Variants in OCA2 observed in about 807,000 individuals in gnomAD.
OCA2 encodes OCA2 melanosomal transmembrane protein, also known as P protein.
Under a neutral mutation model 100.2 loss-of-function variants are expected in OCA2, and 77 were observed. The observed-to-expected ratio is 0.77, with a 90% CI of 0.64 to 0.93. The LOEUF is 0.93. Ranked by LOEUF, OCA2 falls within the 40% of genes least tolerant of loss-of-function variation. The probability of loss-of-function intolerance (pLI) is 0.00; values close to 1 mark genes in which losing one functional copy is unlikely to be tolerated. For synonymous variants in OCA2, 432 were observed against 439.2 expected (o/e 0.98, Z 0.21); for missense variants, 1,062 against 1,089.1 (o/e 0.98, Z 0.35).
chr15:28,017,173 T>C (rs1186861960), intron 7 of OCA2, among the ~76,000 whole-genome samples: 1 of 152,102 alleles, frequency 6.6e-6, no homozygotes, highest in African/African-American at 2.4e-5. Context: ...AGCACACGCA[T>C]GAGAGAACAG....
intron 5 of OCA2, among the ~76,000 whole-genome samples, chr15:28,023,308 T>A (rs1197700785): frequency 6.6e-6 from 1 of 152,222 alleles, no homozygotes; most frequent in Admixed American, 6.5e-5. Context: ...TTCCTTTCTC[T>A]GGGTCACAGA....
At chr15:28,003,360 A>G (rs1311840176) in intron 9 of OCA2, among the ~76,000 whole-genome samples, 2 of 152,250 alleles carry the variant, frequency 1.3e-5, no homozygotes, top group Non-Finnish European at 2.9e-5. Context: ...ATCCCTAAAT[A>G]TACAAAATTG....
chr15:27,974,884 T>C (rs2040916603), intron 14 of OCA2, among the ~76,000 whole-genome samples: 1 of 152,208 alleles, frequency 6.6e-6, no homozygotes. Flanking sequence ...TGGCAGAAAA[T>C]TGTATGACAA....
chr15:27,772,182 C>G (rs2031919629), intron 23 of OCA2, among the ~76,000 whole-genome samples: 1 of 152,158 alleles, frequency 6.6e-6, no homozygotes, highest in Non-Finnish European at 1.5e-5. Flanking sequence ...TGGGCCTGAC[C>G]TTCCTTTAAA....
At chr15:27,965,385 G>GTAGA (rs1485785969) in intron 15 of OCA2, among the ~76,000 whole-genome samples, 2 of 152,226 alleles carry the variant, frequency 1.3e-5, no homozygotes, top group African/African-American at 2.4e-5. Context: ...GGTAAGATGA[G>GTAGA]TAGATATTCC....
At chr15:27,824,420 C>T (rs1330106569) in intron 23 of OCA2, among the ~76,000 whole-genome samples, 1 of 151,312 alleles carries the variant, frequency 6.6e-6, no homozygotes, top group African/African-American at 2.4e-5. Flanking sequence ...CAGCCTATGA[C>T]ATGATGCACA....
chr15:27,957,803 T>C lies in OCA2; in HGVS notation c.1637-68A>G. 1 of 1,579,516 alleles carries C rather than the reference T, an allele frequency of 6.3e-7. No homozygotes were observed. Among genetic ancestry groups the C allele is most frequent in the East Asian group, 2.2e-5 (1 of 44,644 alleles). On this transcript the variant is annotated intron_variant, in intron 15 of 23. Transcript: ENST00000354638. This position sits in a 1 kb window ranked among gnomAD's most constrained non-coding sequence, Gnocchi z 4.3. ...AGATATCAGCAACACCCTCCTCTGT[T>C]CCCCACACAGTCGATGCCTGACAGA...
rs114044750 is a variant in OCA2 at position 27,765,638 on chromosome 15, C to A, written c.2433-10166G>T. Among the ~76,000 whole-genome samples the A allele has an allele frequency of 8.6e-3, 1,304 of 152,328 alleles. 18 individuals carry two copies. The highest frequency in any genetic ancestry group is 0.03 in the African/African-American group (1,258 of 41,568). On this transcript the variant is annotated intron_variant, in intron 23 of 23. Coordinates refer to ENST00000354638, the MANE Select transcript of OCA2 (RefSeq NM_000275.3). ...AAGGTTATAGCTGGAAGGCTGTAAT[C>A]TTGAGTTGGTCTGGAGATATTTACC...
In OCA2 at chr15:27,845,023, T is replaced by G. The variant is rs1323104489; in HGVS notation, c.2368A>C (p.Asn790His). 2.5e-6 allele frequency: 4 copies of G among 1,614,082 alleles called. No individual in the cohort carries two copies. The highest frequency in any genetic ancestry group is 3.4e-6 in the Non-Finnish European group (4 of 1,179,976). ...GNGTLIGASANVVCAGIAEQH... is the reference protein window; with the variant it reads ...GNGTLIGASAHVVCAGIAEQH... The stretch of plus-strand genomic sequence containing the variant: ...TCTGCAATCCCTGCACACACGACGT[T>G]TGCCGACGCGCCAATCAGTGTCCCG... The change falls in exon 23 of 24, where the codon AAC becomes CAC. Residue 790 changes from asparagine to histidine, a missense_variant. Asn to His is a moderately conservative substitution (Grantham distance 68). Transcript: ENST00000354638.
intron 5 of OCA2, among the ~76,000 whole-genome samples, chr15:28,022,955 AAAGT>A (rs1334503947): frequency 1.3e-5 from 2 of 152,248 alleles, no homozygotes; most frequent in African/African-American, 4.8e-5. Flanking sequence ...ACACCATCAA[AAAGT>A]AAATTAAACT....
At chr15:28,098,362 C>T (rs1452086569) in intron 1 of OCA2, among the ~76,000 whole-genome samples, 1 of 152,222 alleles carries the variant, frequency 6.6e-6, no homozygotes, top group African/African-American at 2.4e-5. Context: ...TGGCAGGCCC[C>T]GTCCCAGGGT....
At chr15:27,992,621 T>C (rs555318086) in intron 9 of OCA2, among the ~76,000 whole-genome samples, 2 of 152,298 alleles carry the variant, frequency 1.3e-5, no homozygotes, top group Admixed American at 1.3e-4. Context: ...TTTTTTGATA[T>C]TTAATTAAGT....
intron 19 of OCA2, among the ~76,000 whole-genome samples, chr15:27,879,922 T>C (rs2036947018): frequency 6.6e-6 from 1 of 152,220 alleles, no homozygotes; most frequent in Non-Finnish European, 1.5e-5. Flanking sequence ...ATGAAATCTA[T>C]GTTTGTGCCT....
intron 14 of OCA2, among the ~76,000 whole-genome samples, chr15:27,970,542 A>G (rs554963774): frequency 6.6e-6 from 1 of 152,060 alleles, no homozygotes; most frequent in East Asian, 1.9e-4. Flanking sequence ...AAATGTAAAG[A>G]ATGTCCCAGC....
chr15:27,807,627 T>G lies in OCA2; in HGVS notation c.2432+37332A>C, dbSNP rs1032339355. On this transcript the variant is annotated intron_variant, in intron 23 of 23. Transcript: ENST00000354638. The stretch of plus-strand genomic sequence containing the variant: ...GCTAACAAATTATGGCCTGGAGACT[T>G]GCACTGAGGTAGGTTGCACAGCTGT... 2.0e-5 allele frequency among the ~76,000 whole-genome samples: 3 copies of G among 152,114 alleles called. No homozygotes were observed. The South Asian group carries it at 6.2e-4, about 32-fold the overall frequency.
chr15:27,815,831 A>G (rs72710513), intron 23 of OCA2, among the ~76,000 whole-genome samples: 1,950 of 152,380 alleles, frequency 0.013, 17 homozygotes, highest in South Asian at 0.048. Context: ...TATGTTTTAC[A>G]AAGAAAATAA....
At chr15:28,076,454 G>A (rs953499189) in intron 2 of OCA2, among the ~76,000 whole-genome samples, 9 of 151,992 alleles carry the variant, frequency 5.9e-5, no homozygotes, top group Admixed American at 1.3e-4. Flanking sequence ...CAAATTTCAA[G>A]GTCAATTAAT....
intron 2 of OCA2, among the ~76,000 whole-genome samples, chr15:28,039,296 T>C (rs149186645): frequency 1.7e-3 from 254 of 152,252 alleles, no homozygotes; most frequent in Middle Eastern, 6.8e-3. Context: ...TATAAACCAA[T>C]TGGACCTAAC....
intron 23 of OCA2, among the ~76,000 whole-genome samples, chr15:27,802,142 A>G (rs2033642282): frequency 6.6e-6 from 1 of 152,194 alleles, no homozygotes; most frequent in Non-Finnish European, 1.5e-5. Flanking sequence ...CATCTATTAT[A>G]TTTCTATATA....
Sources: allele counts gnomAD v4.1 joint callset (sites outside exome capture counted in the v4.1 genomes callset), GRCh38; gene constraint gnomAD v4.1.1; non-coding constraint Gnocchi (gnomAD v3.1); transcripts MANE v1.5; gene names NCBI Gene and HGNC (gene_info 2026-07-23, HGNC 2026-07-21).